HECW2: variants seen among roughly 807,000 people sequenced by gnomAD.
HECW2 encodes E3 ubiquitin-protein ligase HECW2.
In HECW2, 61 loss-of-function variants were observed where a neutral mutation model predicts 175.2. The observed-to-expected ratio is 0.35, with a 90% CI of 0.28 to 0.43. The LOEUF (loss-of-function observed/expected upper bound fraction) is 0.43. Among genes scored for constraint, HECW2 ranks in the 20% least tolerant of loss-of-function variants. The pLI, the probability that HECW2 is intolerant of heterozygous loss-of-function variation, is 1.00. For synonymous variants in HECW2, 671 were observed against 731.0 expected, an observed-to-expected ratio of 0.92 and a Z score of 1.32; for missense variants, 1,524 against 2,000.5, an observed-to-expected ratio of 0.76 and a Z score of 4.54.
At chr2:196,511,589 A>G (rs1233698880) in intron 1 of HECW2, among the ~76,000 whole-genome samples, 1 of 152,262 alleles carries the variant, frequency 6.6e-6, no homozygotes, top group Admixed American at 6.5e-5. Context: ...TATTAAATAA[A>G]TAAGCACATA....
intron 1 of HECW2, among the ~76,000 whole-genome samples, chr2:196,525,361 C>T (rs1310253651): frequency 5.3e-5 from 7 of 131,458 alleles, no homozygotes; most frequent in South Asian, 5.8e-4. Flanking sequence ...TATTTTGAGC[C>T]TATGTGTGTC....
chr2:196,513,361 T>C (rs937313061), intron 1 of HECW2, among the ~76,000 whole-genome samples: 1 of 152,028 alleles, frequency 6.6e-6, no homozygotes, highest in African/African-American at 2.4e-5. Flanking sequence ...ATAGAAAAAT[T>C]AGCTGGGCAC....
At chr2:196,416,694 G>A (rs1460248522) in intron 2 of HECW2, among the ~76,000 whole-genome samples, 2 of 152,220 alleles carry the variant, frequency 1.3e-5, no homozygotes, top group Admixed American at 6.5e-5. Context: ...ACCCAAGAGG[G>A]AACGTGAAAT....
chr2:196,572,498 G>A (rs1246240232), intron 1 of HECW2, among the ~76,000 whole-genome samples: 1 of 152,142 alleles, frequency 6.6e-6, no homozygotes, highest in Non-Finnish European at 1.5e-5. Flanking sequence ...AGTTTTGCAA[G>A]ATGAAAGAGT....
In HECW2 at chr2:196,271,175, T is replaced by G. The variant is rs1312483957; in HGVS notation, c.3335+18A>C. On this transcript the variant is annotated intron_variant, in intron 17 of 28. Transcript: ENST00000644978. Reference sequence around the variant, plus strand: ...TTGTGCTTATGCAACTTGAACCAAATACCAATATTATTGTTACCTGAGTGA... The same window carrying G: ...TTGTGCTTATGCAACTTGAACCAAAGACCAATATTATTGTTACCTGAGTGA... The G allele has an allele frequency of 2.8e-6, 4 of 1,436,466 alleles. No individual in the cohort carries two copies. Among genetic ancestry groups the G allele is most frequent in the South Asian group, 2.3e-5 (2 of 86,320 alleles). The allele number at this position is 1,436,466 out of a possible 1,614,324, so 89.0% of individuals were successfully genotyped here.
intron 5 of HECW2, among the ~76,000 whole-genome samples, chr2:196,327,913 CAT>C (rs1235733735): frequency 4.6e-5 from 7 of 152,198 alleles, no homozygotes; most frequent in Non-Finnish European, 5.9e-5. Flanking sequence ...GTCATTCTCA[CAT>C]AGTCAGTTAA....
At chr2:196,386,628 G>GGGTCTC (rs754672949) in intron 2 of HECW2, among the ~76,000 whole-genome samples, 122 of 152,128 alleles carry the variant, frequency 8.0e-4, no homozygotes, top group Non-Finnish European at 3.8e-4. Context: ...TCTTTGCTCT[G>GGGTCTC]GGTCTCTTTT....
At chr2:196,574,412 AGAGT>A (rs1350362003) in intron 1 of HECW2, among the ~76,000 whole-genome samples, 4 of 152,142 alleles carry the variant, frequency 2.6e-5, no homozygotes, top group African/African-American at 9.7e-5. Context: ...TGTGGGCGAT[AGAGT>A]GAGACTCTGT....
At chr2:196,593,185 G>C (rs1350530901) in intron 1 of HECW2, among the ~76,000 whole-genome samples, 1 of 151,376 alleles carries the variant, frequency 6.6e-6, no homozygotes. Context: ...CCCACCCCCG[G>C]GTTACGCCAC....
intron 1 of HECW2, among the ~76,000 whole-genome samples, chr2:196,571,157 C>T (rs889182608): frequency 3.9e-5 from 6 of 152,152 alleles, no homozygotes; most frequent in Admixed American, 1.3e-4. Flanking sequence ...TAACAAAGCA[C>T]AGCAGTTTAA....
chr2:196,367,162 T>C (rs1693766410), intron 2 of HECW2, among the ~76,000 whole-genome samples: 1 of 152,096 alleles, frequency 6.6e-6, no homozygotes, highest in Non-Finnish European at 1.5e-5. Context: ...TTTACCACCA[T>C]AGTGTATGAT....
At chr2:196,548,235 C>T (rs1575661102) in intron 1 of HECW2, among the ~76,000 whole-genome samples, 1 of 151,024 alleles carries the variant, frequency 6.6e-6, no homozygotes, top group East Asian at 1.9e-4. Flanking sequence ...GAGGCTGAGG[C>T]AGGAGAATTG....
chr2:196,591,204 C>A (rs1376961340), intron 1 of HECW2, among the ~76,000 whole-genome samples: 2 of 152,122 alleles, frequency 1.3e-5, no homozygotes, highest in Non-Finnish European at 2.9e-5. Flanking sequence ...GATGGTGAAG[C>A]GAATGTCTTA....
chr2:196,482,398 CT>C (rs1339883383), intron 1 of HECW2, among the ~76,000 whole-genome samples: 1 of 152,244 alleles, frequency 6.6e-6, no homozygotes, highest in Non-Finnish European at 1.5e-5. Context: ...GGATTACAAC[CT>C]CTGTGCTGGG....
chr2:196,551,969 G>A (rs1425599202), intron 1 of HECW2, among the ~76,000 whole-genome samples: 1 of 152,008 alleles, frequency 6.6e-6, no homozygotes. Flanking sequence ...CACTTCCTCA[G>A]CCTTCATGAC....
chr2:196,343,109 C>T (rs1325205465), intron 3 of HECW2, among the ~76,000 whole-genome samples: 1 of 151,690 alleles, frequency 6.6e-6, no homozygotes, highest in Non-Finnish European at 1.5e-5. Flanking sequence ...CACACATGCA[C>T]ATATTATATA....
At chr2:196,458,711 C>T (rs533094944) in intron 1 of HECW2, among the ~76,000 whole-genome samples, 28 of 152,062 alleles carry the variant, frequency 1.8e-4, no homozygotes, top group African/African-American at 5.5e-4. Flanking sequence ...ACTAAAAATA[C>T]AAAAATTAGC....
intron 2 of HECW2, among the ~76,000 whole-genome samples, chr2:196,400,249 C>A (rs1162480032): frequency 6.6e-6 from 1 of 152,128 alleles, no homozygotes; most frequent in Non-Finnish European, 1.5e-5. Flanking sequence ...AAGAGATAGC[C>A]TAATTATAAC....
At chr2:196,344,194 C>T (rs960816124) in intron 2 of HECW2, among the ~76,000 whole-genome samples, 4 of 151,916 alleles carry the variant, frequency 2.6e-5, no homozygotes, top group African/African-American at 9.7e-5. Context: ...CGTTAAGCTA[C>T]GAAAGTGAGT....
Sources: allele counts gnomAD v4.1 joint callset (sites outside exome capture counted in the v4.1 genomes callset), GRCh38; gene constraint gnomAD v4.1.1; transcripts MANE v1.5; gene names NCBI Gene and HGNC (gene_info 2026-07-23, HGNC 2026-07-21).